BAIAP2: variants seen among roughly 807,000 people sequenced by gnomAD.
BAIAP2 encodes the protein BAR/IMD domain-containing adapter protein 2.
A neutral mutation model predicts 63.0 loss-of-function variants in BAIAP2; 18 were observed. The ratio of observed to expected loss-of-function variants is 0.29; its 90% confidence interval spans 0.20 to 0.42. The LOEUF (loss-of-function observed/expected upper bound fraction) is 0.42. BAIAP2 is among the 10% of genes least tolerant of loss of function. BAIAP2 has a pLI of 1.00. For missense variants in BAIAP2, 610 were observed against 734.3 expected (o/e 0.83, Z 1.96); for synonymous variants, 386 against 307.6 (o/e 1.25, Z -2.67).
At chr17:81,036,276 T>C (rs888258099) in intron 1 of BAIAP2, among the ~76,000 whole-genome samples, 4 of 152,228 alleles carry the variant, frequency 2.6e-5, no homozygotes, top group Non-Finnish European at 4.4e-5. Flanking sequence ...TCCTGGGCGA[T>C]CTCTTACAGA....
chr17:81,078,615 G>A (rs112176800), intron 3 of BAIAP2, among the ~76,000 whole-genome samples: 1 of 147,964 alleles, frequency 6.8e-6, no homozygotes, highest in Non-Finnish European at 1.5e-5. Flanking sequence ...TTGGGTGGGA[G>A]CCGGGCTCTG....
chr17:81,066,806 A>T (rs149060442), intron 3 of BAIAP2, among the ~76,000 whole-genome samples: 205 of 152,222 alleles, frequency 1.3e-3, no homozygotes, highest in Non-Finnish European at 2.3e-3. Flanking sequence ...GGCTCCATGC[A>T]CAGTGCACCC....
At chr17:81,076,379 C>T (rs537265305) in intron 3 of BAIAP2, 1 of 152,286 alleles carries the variant, frequency 6.6e-6, no homozygotes, top group African/African-American at 2.4e-5. Flanking sequence ...TTGAGAGAGC[C>T]CTGATGTTCT....
intron 1 of BAIAP2, 129 bp from the exon 2 acceptor site, chr17:81,053,539 C>A: frequency 1.1e-6 from 1 of 943,034 alleles, no homozygotes; most frequent in Non-Finnish European, 1.7e-6. Flanking sequence ...GGAAGCCCAC[C>A]TTGAGCATTT....
intron 1 of BAIAP2, among the ~76,000 whole-genome samples, chr17:81,043,789 G>T (rs2047415024): frequency 6.6e-6 from 1 of 152,196 alleles, no homozygotes; most frequent in Admixed American, 6.5e-5. Flanking sequence ...TGAGCTCATT[G>T]AAACTGCAGA....
At chr17:81,057,050 A>C (rs549178776) in intron 2 of BAIAP2, among the ~76,000 whole-genome samples, 2 of 152,378 alleles carry the variant, frequency 1.3e-5, no homozygotes, top group Admixed American at 6.5e-5. Context: ...TATATAAATA[A>C]AATCTGATAA....
intron 1 of BAIAP2, among the ~76,000 whole-genome samples, chr17:81,048,420 C>T (rs867576837): frequency 6.6e-6 from 1 of 151,350 alleles, no homozygotes. Flanking sequence ...CAGCACGGCC[C>T]AGGAGTGGGC....
At chr17:81,037,073 C>T (rs534187143) in intron 1 of BAIAP2, 6 of 898,586 alleles carry the variant, frequency 6.7e-6, no homozygotes, top group South Asian at 3.1e-5. Flanking sequence ...AATTTATCTG[C>T]AGGTCTAAGT....
In BAIAP2 at chr17:81,103,737, C is replaced by T; in HGVS notation, c.864+14C>T. ...CCGTTCGTGGGGGTGAGTCTGTGGC[C>T]TCTGGAAAGCTTCACGGGTGTGGGT... On this transcript the variant is annotated intron_variant, in intron 8 of 13. Transcript: ENST00000428708. 1 of 1,580,774 alleles carries T rather than the reference C, an allele frequency of 6.3e-7. No individual in the cohort carries two copies. The highest frequency in any genetic ancestry group is 8.6e-7 in the Non-Finnish European group (1 of 1,163,202).
intron 6 of BAIAP2, among the ~76,000 whole-genome samples, 184 bp downstream of exon 6, chr17:81,086,764 G>A (rs769562078): frequency 6.6e-5 from 10 of 152,320 alleles, no homozygotes; most frequent in Non-Finnish European, 1.0e-4. Context: ...TGGGATGGTC[G>A]GCTCACCTGT....
rs1598826806 is a variant in BAIAP2, at chr17:81,108,569, G to A, written c.1535+60G>A. ...GGGTGGGTGTGAAGAGGCCGGGTGG[G>A]GCAGGTCCCTCTGCTAGGACCTGGG... On this transcript the variant is annotated intron_variant, in intron 13 of 13. Coordinates refer to ENST00000428708, the MANE Select transcript of BAIAP2 (RefSeq NM_001144888.2). The A allele has an allele frequency of 3.1e-6, 5 of 1,603,356 alleles. No homozygotes were observed. The East Asian group carries it at 1.1e-4, about 36-fold the overall frequency.
intron 6 of BAIAP2, among the ~76,000 whole-genome samples, chr17:81,091,769 G>A (rs867031346): frequency 1.3e-5 from 2 of 152,346 alleles, no homozygotes; most frequent in Middle Eastern, 3.4e-3. Context: ...GGCGTGAGTA[G>A]CAGAGAAGCA....
intron 1 of BAIAP2, among the ~76,000 whole-genome samples, chr17:81,052,601 G>A (rs2048844344): frequency 6.6e-6 from 1 of 152,262 alleles, no homozygotes. Context: ...GCAGGGGATG[G>A]AACACTCGTC....
intron 13 of BAIAP2, chr17:81,109,063 T>C (rs544889714): frequency 4.3e-4 from 645 of 1,507,980 alleles, no homozygotes; most frequent in Non-Finnish European, 5.5e-4. Context: ...GTCTCGTCCG[T>C]TTTCCTCCTC....
intron 1 of BAIAP2, among the ~76,000 whole-genome samples, chr17:81,038,944 A>G (rs1359405087): frequency 6.6e-6 from 1 of 152,142 alleles, no homozygotes; most frequent in East Asian, 1.9e-4. Context: ...GAGAAATCAC[A>G]GTGCTGGACC....
chr17:81,071,839 G>A (rs775413838), intron 3 of BAIAP2, among the ~76,000 whole-genome samples: 2 of 152,262 alleles, frequency 1.3e-5, no homozygotes, highest in Non-Finnish European at 2.9e-5. Flanking sequence ...CAGTTCCCAC[G>A]CCAAGTAGGG....
Position 81,115,923 on chromosome 17 carries a change from G to T in BAIAP2, c.*84G>T. The T allele has an allele frequency of 6.3e-7, 1 of 1,581,382 alleles. No individual in the cohort carries two copies. On this transcript the variant is annotated 3_prime_UTR_variant, in exon 14 of 14. Coordinates refer to ENST00000428708, the MANE Select transcript of BAIAP2 (RefSeq NM_001144888.2). ...GTTCTGTCATCATCTGTGCGTTCCT[G>T]TGTAGAGAACATCCAGGCCCCGGCT...
chr17:81,080,374 G>A (rs1174672042), intron 3 of BAIAP2, among the ~76,000 whole-genome samples: 4 of 152,246 alleles, frequency 2.6e-5, no homozygotes, highest in South Asian at 2.1e-4. Flanking sequence ...GCCGCCGCTC[G>A]AAGCTCAGGG....
chr17:81,055,246 C>A (rs750809144), intron 2 of BAIAP2, among the ~76,000 whole-genome samples: 1 of 152,058 alleles, frequency 6.6e-6, no homozygotes, highest in Non-Finnish European at 1.5e-5. Context: ...GCACTCCAAC[C>A]GAGCACCTGG....
Sources: gnomAD v4.1 joint callset for allele counts (sites outside exome capture counted in the v4.1 genomes callset) on GRCh38, gnomAD v4.1.1 for gene constraint, MANE v1.5 for transcripts, NCBI Gene and HGNC (gene_info 2026-07-23, HGNC 2026-07-21) for gene names.